Variants in FAM13A observed in about 807,000 individuals in gnomAD.
FAM13A encodes protein FAM13A.
A neutral mutation model predicts 129.6 loss-of-function variants in FAM13A; 76 were observed. The ratio of observed to expected loss-of-function variants is 0.59; its 90% CI spans 0.49 to 0.71. FAM13A has a LOEUF of 0.71. Ranked by LOEUF, FAM13A falls within the 30% of genes least tolerant of loss-of-function variation. FAM13A has a pLI of 0.00. For missense variants in FAM13A, 1,108 were observed against 1,249.3 expected (o/e 0.89, Z 1.70); for synonymous variants, 443 against 449.9 (o/e 0.98, Z 0.20).
intron 3 of FAM13A, among the ~76,000 whole-genome samples, chr4:89,011,850 G>T (rs1765780623): frequency 2.0e-5 from 3 of 152,080 alleles, no homozygotes; most frequent in Non-Finnish European, 4.4e-5. Context: ...CCACTGACTG[G>T]ATGTTTTTAT....
At chr4:88,869,584 C>T (rs536579955) in intron 6 of FAM13A, among the ~76,000 whole-genome samples, 1 of 152,196 alleles carries the variant, frequency 6.6e-6, no homozygotes, top group Non-Finnish European at 1.5e-5. Context: ...ATCAGGCACC[C>T]TTGTTATATA....
At chr4:88,989,370 G>A (rs557004089) in intron 4 of FAM13A, among the ~76,000 whole-genome samples, 32 of 152,166 alleles carry the variant, frequency 2.1e-4, no homozygotes, top group Non-Finnish European at 3.5e-4. Flanking sequence ...GGGAGGTCGC[G>A]GCAGGTGGAT....
At chr4:89,008,206 C>T (rs1299818672) in intron 3 of FAM13A, among the ~76,000 whole-genome samples, 3 of 152,164 alleles carry the variant, frequency 2.0e-5, no homozygotes, top group Admixed American at 2.0e-4. Flanking sequence ...GTGTTATGGA[C>T]TAAATTTTGT....
At chr4:88,767,713 C>T in intron 12 of FAM13A, 118 bp from the exon 13 acceptor site, 1 of 815,114 alleles carries the variant, frequency 1.2e-6, no homozygotes, top group Non-Finnish European at 1.8e-6. Flanking sequence ...AAGCCAAATA[C>T]TTATAAAATT....
At chr4:88,978,799 A>C (rs1391923247) in intron 4 of FAM13A, among the ~76,000 whole-genome samples, 2 of 152,244 alleles carry the variant, frequency 1.3e-5, no homozygotes, top group Non-Finnish European at 2.9e-5. Flanking sequence ...GTCTCAAAAA[A>C]AAAAAGATAA....
At chr4:88,900,708 G>C (rs1747159691) in intron 6 of FAM13A, among the ~76,000 whole-genome samples, 1 of 152,068 alleles carries the variant, frequency 6.6e-6, no homozygotes, top group African/African-American at 2.4e-5. Context: ...GAAGTACACA[G>C]GTTAGTGATA....
intron 6 of FAM13A, among the ~76,000 whole-genome samples, chr4:88,860,597 G>C (rs937715789): frequency 6.6e-6 from 1 of 152,220 alleles, no homozygotes; most frequent in African/African-American, 2.4e-5. Flanking sequence ...CTGTTTTGGG[G>C]AACAGGACAG....
chr4:88,732,330 A>ATATG, intron 21 of FAM13A, 132 bp from the exon 22 acceptor site: 1 of 606,458 alleles, frequency 1.6e-6, no homozygotes, highest in Non-Finnish European at 2.9e-6. Context: ...TTAGCAACAC[A>ATATG]TATGTACATT....
intron 4 of FAM13A, among the ~76,000 whole-genome samples, chr4:88,963,788 T>G (rs1758972248): frequency 6.6e-6 from 1 of 152,222 alleles, no homozygotes; most frequent in Non-Finnish European, 1.5e-5. Context: ...AATAATATGG[T>G]AAGATACTTG....
At chr4:88,987,046 C>G (rs1038152510) in intron 4 of FAM13A, among the ~76,000 whole-genome samples, 1 of 152,134 alleles carries the variant, frequency 6.6e-6, no homozygotes, top group African/African-American at 2.4e-5. Context: ...GAGACATCAT[C>G]TTTAGCTGAA....
chr4:88,930,689 A>AGCTAGTTGTGAGAGTATTGG (rs1752895850), intron 5 of FAM13A, among the ~76,000 whole-genome samples: 1 of 152,054 alleles, frequency 6.6e-6, no homozygotes, highest in African/African-American at 2.4e-5. Flanking sequence ...CTTTCACAGA[A>AGCTAGTTGTGAGAGTATTGG]GCTAGTTGTG....
intron 6 of FAM13A, chr4:88,855,843 CA>C (rs771217351): frequency 6.6e-6 from 1 of 152,108 alleles, no homozygotes; most frequent in Non-Finnish European, 1.5e-5. Flanking sequence ...TGTGATGATA[CA>C]ACAGTAAGCT....
At chr4:89,022,738 G>A (rs935883393) in intron 2 of FAM13A, among the ~76,000 whole-genome samples, 2 of 152,100 alleles carry the variant, frequency 1.3e-5, no homozygotes, top group African/African-American at 4.8e-5. Flanking sequence ...AATCCATCAT[G>A]CTTCTCTCTC....
At chr4:88,951,240 T>C (rs1243902979) in intron 4 of FAM13A, among the ~76,000 whole-genome samples, 2 of 152,300 alleles carry the variant, frequency 1.3e-5, no homozygotes, top group East Asian at 1.9e-4. Flanking sequence ...AAGAAGCAGA[T>C]GATGGGATGG....
intron 11 of FAM13A, among the ~76,000 whole-genome samples, chr4:88,772,242 A>T (rs1720817362): frequency 6.6e-6 from 1 of 152,196 alleles, no homozygotes; most frequent in African/African-American, 2.4e-5. Context: ...GAGTCTCGTT[A>T]AGAAAGGATT....
At chr4:88,819,161 CATT>C (rs1731396589) in intron 7 of FAM13A, among the ~76,000 whole-genome samples, 1 of 151,828 alleles carries the variant, frequency 6.6e-6, no homozygotes, top group Non-Finnish European at 1.5e-5. Context: ...CACTGGATAT[CATT>C]ATTTGCTACA....
Position 88,839,639 on chromosome 4 carries a change from T to C in FAM13A, c.1007+11381A>G, listed in dbSNP as rs556010856. 2.6e-5 allele frequency among the ~76,000 whole-genome samples: 4 copies of C among 152,200 alleles called. No homozygotes were observed. The East Asian group carries it at 7.7e-4, about 29-fold the overall frequency. On this transcript the variant is annotated intron_variant, in intron 7 of 23. Transcript: ENST00000264344. The stretch of plus-strand genomic sequence containing the variant: ...CAGTGGCTCACGCCTGTAATCCCAA[T>C]ACTTTGGGAGGCTGAGGTGGGAGGA...
In FAM13A at chr4:88,940,768, C is replaced by T. The variant is rs1392703321; in HGVS notation, c.606-2527G>A. Among the ~76,000 whole-genome samples the T allele has an allele frequency of 2.0e-5, 3 of 152,144 alleles. No individual in the cohort carries two copies. In the East Asian group the frequency reaches 5.8e-4, roughly 29 times the overall value. ...GATCAAATCAGAGGGCCTCTAGGAA[C>T]TGAAAAGCATCATCCCTCAGCCATT... On this transcript the variant is annotated intron_variant, in intron 4 of 23. Coordinates refer to ENST00000264344, the MANE Select transcript of FAM13A (RefSeq NM_014883.4).
chr4:88,731,183 CA>C (rs1737672624), intron 23 of FAM13A, 143 bp downstream of exon 23: 1 of 579,274 alleles, frequency 1.7e-6, no homozygotes. Flanking sequence ...TGTCCCTGGG[CA>C]CAAACCCAAG....
Sources: gnomAD v4.1 joint callset for allele counts (sites outside exome capture counted in the v4.1 genomes callset) on GRCh38, gnomAD v4.1.1 for gene constraint, MANE v1.5 for transcripts, NCBI Gene and HGNC (gene_info 2026-07-23, HGNC 2026-07-21) for gene names.